UGT2B17: variants seen among roughly 807,000 people sequenced by gnomAD.
The protein encoded by UGT2B17 is UDP glucuronosyltransferase family 2 member B17, also known as UDP-glucuronosyltransferase 2B17.
UGT2B17 carries 21 observed loss-of-function variants against 48.2 expected under a neutral mutation model. That is an observed-to-expected ratio of 0.44 (90% CI 0.31 to 0.63). The LOEUF (loss-of-function observed/expected upper bound fraction) is 0.63. Among genes scored for constraint, UGT2B17 ranks in the 20% least tolerant of loss-of-function variants. The probability of loss-of-function intolerance (pLI) is 0.08; values close to 1 mark genes in which losing one functional copy is unlikely to be tolerated. For missense variants in UGT2B17, 402 were observed against 696.1 expected (o/e 0.58, Z 4.75); for synonymous variants, 146 against 238.4 (o/e 0.61, Z 3.57).
chr4:68,567,017 T>C (rs1256748863), intron 2 of UGT2B17, among the ~76,000 whole-genome samples: 1 of 122,026 alleles, frequency 8.2e-6, no homozygotes, highest in Non-Finnish European at 1.7e-5. Flanking sequence ...ATAATTAGAT[T>C]TTTAAAATAA....
chr4:68,558,133 C>T (rs1731035501), intron 4 of UGT2B17, among the ~76,000 whole-genome samples: 1 of 122,828 alleles, frequency 8.1e-6, no homozygotes, highest in Admixed American at 8.5e-5. Context: ...ATACAATAAT[C>T]AGGCCAAGTA....
intron 3 of UGT2B17, among the ~76,000 whole-genome samples, chr4:68,563,305 T>G (rs1731136323): frequency 7.9e-6 from 1 of 127,362 alleles, no homozygotes; most frequent in African/African-American, 2.7e-5. Context: ...GTCTACCTTT[T>G]GCAGGTTAAC....
In UGT2B17 at chr4:68,569,611, C is replaced by G. The variant is rs1214648665; in HGVS notation, c.-64-1063G>C. On this transcript the variant is annotated intron_variant, in intron 1 of 6. Transcript: ENST00000317746. ...AACTCCTCCCTTCTCAGGCCCAGTC[C>G]CAAGATGCAAGGCTGCTTGCATCAG... is the stretch of plus-strand genomic sequence containing the variant. Among the ~76,000 whole-genome samples, 6 of 124,576 alleles carry G rather than the reference C, an allele frequency of 4.8e-5. 3 individuals carry two copies. Among genetic ancestry groups the G allele is most frequent in the African/African-American group, 1.7e-4 (6 of 36,284 alleles). The allele number at this position is 124,576 out of a possible 152,430, so 81.7% of individuals were successfully genotyped here.
rs184164178 is a variant in UGT2B17 at position 68,542,015 on chromosome 4, G to C, written c.1314-4111C>G. 5.8e-4 allele frequency among the ~76,000 whole-genome samples: 72 copies of C among 124,718 alleles called. 11 individuals are homozygous for C. The highest frequency in any genetic ancestry group is 2.0e-3 in the African/African-American group (72 of 36,410). 81.8% of individuals were successfully genotyped at this position (124,718 alleles called of 152,430 possible). A position where few individuals can be genotyped will look rare whatever the true frequency, so the allele number is the denominator to read the frequency against. ...TCCATTGGTCTATATGTCTGCTTTT[G>C]TTCCAGTACTATGCTGGTTTGGTTA... On this transcript the variant is annotated intron_variant, in intron 6 of 6. Coordinates refer to ENST00000317746, the MANE Select transcript of UGT2B17 (RefSeq NM_001077.4).
intron 6 of UGT2B17, among the ~76,000 whole-genome samples, chr4:68,547,458 A>C (rs1578165676): frequency 7.9e-6 from 1 of 125,918 alleles, no homozygotes; most frequent in Admixed American, 8.2e-5. Context: ...GTTAGACCTA[A>C]AACCATAAAA....
In UGT2B17 at chr4:68,544,212, C is replaced by G. The variant is rs1295269887; in HGVS notation, c.1314-6308G>C. Among the ~76,000 whole-genome samples the G allele has an allele frequency of 1.6e-5, 2 of 126,452 alleles. 1 individual carries two copies. Among genetic ancestry groups the G allele is most frequent in the East Asian group, 1.5e-3 (2 of 1,346 alleles). 83.0% of individuals were successfully genotyped at this position (126,452 alleles called of 152,430 possible). Reference sequence around the variant, plus strand: ...GTCAGGTTACCCACAAAGGGAAGCCCATCAGACTAACAGCTGATCTCTTGG... The same window carrying G: ...GTCAGGTTACCCACAAAGGGAAGCCGATCAGACTAACAGCTGATCTCTTGG... On this transcript the variant is annotated intron_variant, in intron 6 of 6. Transcript: ENST00000317746.
In UGT2B17 at chr4:68,554,691, C is replaced by T. The variant is rs1730971598; in HGVS notation, c.1006-2780G>A. Among the ~76,000 whole-genome samples, 3 of 124,992 alleles carry T rather than the reference C, an allele frequency of 2.4e-5. 1 individual carries two copies. In the Admixed American group the frequency reaches 2.5e-4, roughly 10 times the overall value. 82.0% of individuals were successfully genotyped at this position (124,992 alleles called of 152,430 possible). On this transcript the variant is annotated intron_variant, in intron 4 of 6. Transcript: ENST00000317746. ...TCCATTTTATTTTCCTTCTAGCACA[C>T]CAATTTTTTTCTCTGTGTACATTAT...
At position 68,565,958 on chromosome 4, in the gene UGT2B17, G is replaced by A. The variant is rs1346202064; in HGVS notation, c.725-238C>T. Among the ~76,000 whole-genome samples, 35 of 114,540 alleles carry A rather than the reference G, an allele frequency of 3.1e-4. 8 individuals are homozygous for A. The highest frequency in any genetic ancestry group is 0.01 in the Middle Eastern group (2 of 194). 75.1% of individuals were successfully genotyped at this position (114,540 alleles called of 152,430 possible). ...ATTAAATACATTATATTAAATTAATGTATTTAATATATGTTAATATATTTT... is the reference window on the plus strand; with the variant it reads ...ATTAAATACATTATATTAAATTAATATATTTAATATATGTTAATATATTTT... On this transcript the variant is annotated intron_variant, in intron 2 of 6. Transcript: ENST00000317746.
chr4:68,545,907 G>A (rs1730794056), intron 6 of UGT2B17, among the ~76,000 whole-genome samples: 1 of 125,572 alleles, frequency 8.0e-6, no homozygotes, highest in Non-Finnish European at 1.7e-5. Flanking sequence ...ACTAATAACA[G>A]GCTCTGAAAT....
In UGT2B17 at chr4:68,543,856, A is replaced by G. The variant is rs1730738042; in HGVS notation, c.1314-5952T>C. ...AGTGATGGAAGATGAAATGAATGAA[A>G]TGAAGCAAGAAGAGAAGTTTAGACA... is the stretch of plus-strand genomic sequence containing the variant. On this transcript the variant is annotated intron_variant, in intron 6 of 6. Transcript: ENST00000317746. Among the ~76,000 whole-genome samples, 2 of 125,992 alleles carry G rather than the reference A, an allele frequency of 1.6e-5. 1 individual carries two copies. The highest frequency in any genetic ancestry group is 3.4e-5 in the Non-Finnish European group (2 of 59,612). 82.7% of individuals were successfully genotyped at this position (125,992 alleles called of 152,430 possible).
rs1282285379 is a variant in UGT2B17, at chr4:68,567,542, A to G, written c.724+219T>C. Among the ~76,000 whole-genome samples the G allele has an allele frequency of 1.6e-5, 2 of 125,942 alleles. 1 individual carries two copies. The highest frequency in any genetic ancestry group is 1.5e-3 in the East Asian group (2 of 1,318). 82.6% of individuals were successfully genotyped at this position (125,942 alleles called of 152,430 possible). ...CATAAGTGTTTTACATTGAAGGTTT[A>G]TGACTCTCTTGGTGTCCTATAGCAG... is the stretch of plus-strand genomic sequence containing the variant. On this transcript the variant is annotated intron_variant, in intron 2 of 6. Transcript: ENST00000317746.
rs369021042 is a variant in UGT2B17, at chr4:68,564,789, C to T, written c.873+783G>A. Among the ~76,000 whole-genome samples, 6 of 124,834 alleles carry T rather than the reference C, an allele frequency of 4.8e-5. 1 individual carries two copies. Among genetic ancestry groups the T allele is most frequent in the Non-Finnish European group, 1.0e-4 (6 of 58,974 alleles). 81.9% of individuals were successfully genotyped at this position (124,834 alleles called of 152,430 possible). A position where few individuals can be genotyped will look rare whatever the true frequency, so the allele number is the denominator to read the frequency against. ...GGTCTCAGCTCACTGCAGCCTCTGCCCCCAGACTCAAGCAAGCCTCCTGCC... is the reference window on the plus strand; with the variant it reads ...GGTCTCAGCTCACTGCAGCCTCTGCTCCCAGACTCAAGCAAGCCTCCTGCC... On this transcript the variant is annotated intron_variant, in intron 3 of 6. Coordinates refer to ENST00000317746, the MANE Select transcript of UGT2B17 (RefSeq NM_001077.4).
rs1471539063 is a variant in UGT2B17 at position 68,563,709 on chromosome 4, A to G, written c.873+1863T>C. On this transcript the variant is annotated intron_variant, in intron 3 of 6. Transcript: ENST00000317746. ...GTGAGGATTTTTTTTTGAGAATAAG[A>G]TAAGAGTACACAGAATTACCTTTTA... 4.7e-5 allele frequency among the ~76,000 whole-genome samples: 6 copies of G among 126,398 alleles called. 2 individuals are homozygous for G. Among genetic ancestry groups the G allele is most frequent in the Admixed American group, 1.6e-4 (2 of 12,318 alleles). 82.9% of individuals were successfully genotyped at this position (126,398 alleles called of 152,430 possible).
intron 4 of UGT2B17, among the ~76,000 whole-genome samples, chr4:68,554,700 T>C (rs1730971953): frequency 7.9e-6 from 1 of 126,078 alleles, no homozygotes; most frequent in African/African-American, 2.7e-5. Flanking sequence ...ACCAATTTTT[T>C]TCTCTGTGTA....
intron 3 of UGT2B17, among the ~76,000 whole-genome samples, chr4:68,564,594 T>A (rs1467948631): frequency 8.0e-6 from 1 of 125,412 alleles, no homozygotes; most frequent in Non-Finnish European, 1.7e-5. Context: ...CGGCCCATCA[T>A]TGACTTTTAC....
Position 68,537,496 on chromosome 4 carries a change from C to T in UGT2B17, c.*129G>A, listed in dbSNP as rs1224357288. ...TAAATTCCTGGAAAATAAATTTTGA[C>T]TTAACAGGGTAAGTTGTGAAAAGAC... is the stretch of plus-strand genomic sequence containing the variant. On this transcript the variant is annotated 3_prime_UTR_variant, in exon 7 of 7. Transcript: ENST00000317746. 1.2e-6 allele frequency: 1 copy of T among 812,350 alleles called. No homozygotes were observed. The highest frequency in any genetic ancestry group is 1.6e-6 in the Non-Finnish European group (1 of 614,950). The allele number at this position is 812,350 out of a possible 1,614,324, so 50.3% of individuals were successfully genotyped here.
intron 1 of UGT2B17, among the ~76,000 whole-genome samples, 172 bp downstream of exon 1, chr4:68,575,779 C>T (rs2109782275): frequency 7.9e-6 from 1 of 126,272 alleles, no homozygotes; most frequent in South Asian, 3.6e-4. Flanking sequence ...CGTGGGTGAT[C>T]AGGCTATGCT....
At chr4:68,562,007 G>C (rs1731112264) in intron 3 of UGT2B17, among the ~76,000 whole-genome samples, 1 of 124,498 alleles carries the variant, frequency 8.0e-6, no homozygotes, top group Non-Finnish European at 1.7e-5. Flanking sequence ...TTATAAAACT[G>C]TTTACGAATA....
At chr4:68,550,560 T>C (rs1268169679) in intron 6 of UGT2B17, 117 bp downstream of exon 6, 3 of 774,758 alleles carry the variant, frequency 3.9e-6, no homozygotes, top group Non-Finnish European at 5.2e-6. Flanking sequence ...GATTTTACAT[T>C]GGTTAAATCA....
Sources: allele counts gnomAD v4.1 joint callset (sites outside exome capture counted in the v4.1 genomes callset), GRCh38; gene constraint gnomAD v4.1.1; transcripts MANE v1.5; gene names NCBI Gene and HGNC (gene_info 2026-07-23, HGNC 2026-07-21).